CARD10: variants seen among roughly 807,000 people sequenced by gnomAD.
CARD10 encodes the protein caspase recruitment domain-containing protein 10.
In CARD10, 49 loss-of-function variants were observed where a neutral mutation model predicts 114.6. The ratio of observed to expected loss-of-function variants is 0.43; its 90% CI spans 0.34 to 0.54. The LOEUF is 0.54. Ranked by LOEUF, CARD10 falls within the 20% of genes least tolerant of loss-of-function variation. The pLI, the probability that CARD10 is intolerant of heterozygous loss-of-function variation, is 0.03. For synonymous variants in CARD10, 602 were observed against 593.2 expected, an observed-to-expected ratio of 1.01 and a Z score of -0.21; for missense variants, 1,206 against 1,397.2, an observed-to-expected ratio of 0.86 and a Z score of 2.18.
intron 3 of CARD10, among the ~76,000 whole-genome samples, chr22:37,514,312 A>G (rs1923762564): frequency 6.6e-6 from 1 of 152,018 alleles, no homozygotes; most frequent in African/African-American, 2.4e-5. Context: ...TAATTGTTAC[A>G]TCATCCTTAT....
intron 2 of CARD10, 149 bp downstream of exon 2, chr22:37,517,822 G>A (rs1601821087): frequency 1.0e-6 from 1 of 1,001,274 alleles, no homozygotes; most frequent in Non-Finnish European, 1.4e-6. Context: ...GCCTACCGTG[G>A]GGCCCTGGGC....
chr22:37,507,043 C>T (rs1923436681), intron 6 of CARD10, among the ~76,000 whole-genome samples: 1 of 152,202 alleles, frequency 6.6e-6, no homozygotes, highest in African/African-American at 2.4e-5. Flanking sequence ...CTTTGGGAGG[C>T]TGAGGCAGGT....
chr22:37,502,047 G>C (rs1389941037), intron 11 of CARD10, among the ~76,000 whole-genome samples: 1 of 152,216 alleles, frequency 6.6e-6, no homozygotes, highest in African/African-American at 2.4e-5. Context: ...GTGAACAGCG[G>C]CCACGCACCG....
chr22:37,503,826 G>A (rs576996449), intron 9 of CARD10, among the ~76,000 whole-genome samples: 1 of 152,250 alleles, frequency 6.6e-6, no homozygotes, highest in East Asian at 1.9e-4. Context: ...CCAAACCTGG[G>A]GCCTGGCTTT....
At chr22:37,497,776 C>G (rs995940406) in intron 11 of CARD10, among the ~76,000 whole-genome samples, 1 of 151,710 alleles carries the variant, frequency 6.6e-6, no homozygotes, top group Non-Finnish European at 1.5e-5. Context: ...ATTGCTTGAA[C>G]CCAGGAGGCA....
chr22:37,509,765 C>T (rs922288057), intron 4 of CARD10, among the ~76,000 whole-genome samples: 5 of 108,446 alleles, frequency 4.6e-5, no homozygotes, highest in Admixed American at 9.4e-5. Context: ...CCTCCCCCGA[C>T]CCCCATGCCC....
intron 3 of CARD10, among the ~76,000 whole-genome samples, chr22:37,512,766 A>G (rs1923706372): frequency 6.6e-6 from 1 of 152,176 alleles, no homozygotes; most frequent in Non-Finnish European, 1.5e-5. Flanking sequence ...ATGAGCTCAG[A>G]GGACAGGACA....
intron 4 of CARD10, chr22:37,508,978 G>C: frequency 1.2e-5 from 18 of 1,547,090 alleles, no homozygotes; most frequent in Non-Finnish European, 1.6e-5. Context: ...CAAGCACCAG[G>C]CACACACTCG....
At chr22:37,511,089 AAAAAAAAAAAAAG>A (rs950894669) in intron 3 of CARD10, among the ~76,000 whole-genome samples, 1 of 150,874 alleles carries the variant, frequency 6.6e-6, no homozygotes, top group Non-Finnish European at 1.5e-5. Context: ...CTCAAAAAAA[AAAAAAAAAAAAAG>A]AATAAGGGAA....
At chr22:37,512,825 G>A (rs1303327821) in intron 3 of CARD10, among the ~76,000 whole-genome samples, 2 of 152,094 alleles carry the variant, frequency 1.3e-5, no homozygotes, top group Non-Finnish European at 2.9e-5. Flanking sequence ...ATTTAATCCC[G>A]GCGTACAAAC....
In CARD10 at chr22:37,492,331, A is replaced by T; in HGVS notation, c.2751+104T>A. 1 of 849,834 alleles carries T rather than the reference A, an allele frequency of 1.2e-6. No homozygotes were observed. Among genetic ancestry groups the T allele is most frequent in the Non-Finnish European group, 1.8e-6 (1 of 561,876 alleles). The allele number at this position is 849,834 out of a possible 1,614,324, so 52.6% of individuals were successfully genotyped here. ...GGCCAGGGCCGCCCTGCCAGTGAGCAGCAGAGCATGGCCCGCGCTCAGACG... is the reference window on the plus strand; with the variant it reads ...GGCCAGGGCCGCCCTGCCAGTGAGCTGCAGAGCATGGCCCGCGCTCAGACG... On this transcript the variant is annotated intron_variant, in intron 18 of 19. Transcript: ENST00000251973. This position sits in a 1 kb window ranked among gnomAD's most constrained non-coding sequence, Gnocchi z 5.7.
At chr22:37,511,723 C>T (rs922619473) in intron 3 of CARD10, among the ~76,000 whole-genome samples, 3 of 151,902 alleles carry the variant, frequency 2.0e-5, no homozygotes, top group Non-Finnish European at 2.9e-5. Context: ...AGATGCTCCC[C>T]GCAACAAGCC....
chr22:37,515,333 C>A (rs1923801428), intron 3 of CARD10, among the ~76,000 whole-genome samples: 1 of 152,030 alleles, frequency 6.6e-6, no homozygotes, highest in Non-Finnish European at 1.5e-5. Context: ...GAGGCCGAGG[C>A]GGGCAGATCA....
chr22:37,491,752 C>CCACCG lies in CARD10; in HGVS notation c.2864+2_2864+3insCGGTG. On this transcript the variant is annotated splice_region_variant and intron_variant, in intron 19 of 19. Coordinates refer to ENST00000251973, the MANE Select transcript of CARD10 (RefSeq NM_014550.4). ...TGCCCACTGCCCCACCCACCCACCT[C>CCACCG]ACCTGACTTCCCGGACATTCTTCTC... The CCACCG allele has an allele frequency of 7.6e-7, 1 of 1,312,030 alleles. No homozygotes were observed. Among genetic ancestry groups the CCACCG allele is most frequent in the Non-Finnish European group, 1.1e-6 (1 of 921,880 alleles). 81.3% of individuals were successfully genotyped at this position (1,312,030 alleles called of 1,614,324 possible).
chr22:37,504,895 TAGAATGGG>T (rs1923351643), intron 7 of CARD10, 126 bp from the exon 8 acceptor site: 2 of 459,814 alleles, frequency 4.3e-6, no homozygotes, highest in South Asian at 1.8e-4. Context: ...GCTCACAGCC[TAGAATGGG>T]AGATAAACTG....
chr22:37,491,101 AC>A lies in CARD10; in HGVS notation c.*57del. 7.3e-7 allele frequency: 1 copy of A among 1,375,058 alleles called. No individual in the cohort carries two copies. The highest frequency in any genetic ancestry group is 1.3e-5 in the South Asian group (1 of 79,662). The allele number at this position is 1,375,058 out of a possible 1,614,324, so 85.2% of individuals were successfully genotyped here. On this transcript the variant is annotated 3_prime_UTR_variant, in exon 20 of 20. Coordinates refer to ENST00000251973, the MANE Select transcript of CARD10 (RefSeq NM_014550.4). ...GCTCAGGGTGGGAGGGCCCAGCTTC[AC>A]CATAGACACCAGGGTCCACGCTGGC...
At chr22:37,513,017 T>G (rs980945132) in intron 3 of CARD10, among the ~76,000 whole-genome samples, 3 of 152,244 alleles carry the variant, frequency 2.0e-5, no homozygotes, top group African/African-American at 7.2e-5. Flanking sequence ...CAGATCCATC[T>G]GCAACACCTT....
At chr22:37,517,762 A>G (rs1923890351) in intron 2 of CARD10, among the ~76,000 whole-genome samples, 1 of 152,234 alleles carries the variant, frequency 6.6e-6, no homozygotes. Flanking sequence ...CATCTTAAGC[A>G]TGTGGCTCTG....
chr22:37,497,223 T>C (rs772777400), intron 11 of CARD10, 45 bp from the exon 12 acceptor site: 6 of 1,565,244 alleles, frequency 3.8e-6, no homozygotes, highest in Admixed American at 3.9e-5. Context: ...CAATCAGTAC[T>C]TGGATTCAGT....
Sources: allele counts gnomAD v4.1 joint callset (sites outside exome capture counted in the v4.1 genomes callset), GRCh38; gene constraint gnomAD v4.1.1; non-coding constraint Gnocchi (gnomAD v3.1); transcripts MANE v1.5; gene names NCBI Gene and HGNC (gene_info 2026-07-23, HGNC 2026-07-21).